MYRF: variants seen among roughly 807,000 people sequenced by gnomAD.
MYRF encodes myelin gene regulatory factor.
In MYRF, 16 loss-of-function variants were observed where a neutral mutation model predicts 126.3. That is an observed-to-expected ratio of 0.13 (90% CI 0.09 to 0.19). The LOEUF (loss-of-function observed/expected upper bound fraction) is 0.19. Among genes scored for constraint, MYRF ranks in the 10% least tolerant of loss-of-function variants. MYRF has a pLI of 1.00. For synonymous variants in MYRF, 608 were observed against 635.3 expected, an observed-to-expected ratio of 0.96 and a Z score of 0.65; for missense variants, 1,104 against 1,547.0, an observed-to-expected ratio of 0.71 and a Z score of 4.80.
chr11:61,766,635 C>G (rs1167106044), intron 3 of MYRF: 1 of 247,354 alleles, frequency 4.0e-6, no homozygotes, highest in Non-Finnish European at 7.9e-6. Flanking sequence ...TGGCCCATGG[C>G]TCAGATGTGG....
Position 61,783,759 on chromosome 11 carries a change from G to A in MYRF, c.3120-92G>A. On this transcript the variant is annotated intron_variant, in intron 23 of 26. Coordinates refer to ENST00000278836, the MANE Select transcript of MYRF (RefSeq NM_001127392.3). This position sits in a 1 kb window ranked among gnomAD's most constrained non-coding sequence, Gnocchi z 4.6. ...CCTTGGACACTGTCTCTTCTGGAGGGCTCCAGTACAGATTGGGGGCTGAGG... is the reference window on the plus strand; with the variant it reads ...CCTTGGACACTGTCTCTTCTGGAGGACTCCAGTACAGATTGGGGGCTGAGG... The A allele has an allele frequency of 7.1e-7, 1 of 1,402,800 alleles. No individual in the cohort carries two copies. The highest frequency in any genetic ancestry group is 9.9e-7 in the Non-Finnish European group (1 of 1,013,988). 86.9% of individuals were successfully genotyped at this position (1,402,800 alleles called of 1,614,324 possible). A position where few individuals can be genotyped will look rare whatever the true frequency, so the allele number is the denominator to read the frequency against.
Position 61,774,168 on chromosome 11 carries a change from T to C in MYRF, c.1311+6T>C, listed in dbSNP as rs1388027385. The C allele has an allele frequency of 6.3e-7, 1 of 1,592,318 alleles. No individual in the cohort carries two copies. Among genetic ancestry groups the C allele is most frequent in the East Asian group, 2.3e-5 (1 of 44,286 alleles). On this transcript the variant is annotated splice_donor_region_variant and intron_variant, in intron 8 of 26. Coordinates refer to ENST00000278836, the MANE Select transcript of MYRF (RefSeq NM_001127392.3). ...TGAAGCTGCACGGAGTGAAGGCAAG[T>C]TTGGGGCTCAGCAAGGAAGGGAGGG...
intron 1 of MYRF, among the ~76,000 whole-genome samples, chr11:61,753,073 C>T (rs979875158): frequency 2.6e-5 from 4 of 152,112 alleles, no homozygotes; most frequent in African/African-American, 4.8e-5. Context: ...TTCCAGGACC[C>T]GGAACTTTCC....
In MYRF at chr11:61,777,137, T is replaced by G. The variant is rs1488944006; in HGVS notation, c.1591-127T>G. 1 of 1,015,834 alleles carries G rather than the reference T, an allele frequency of 9.8e-7. No homozygotes were observed. Among genetic ancestry groups the G allele is most frequent in the Non-Finnish European group, 1.4e-6 (1 of 699,706 alleles). The allele number at this position is 1,015,834 out of a possible 1,614,324, so 62.9% of individuals were successfully genotyped here. A position where few individuals can be genotyped will look rare whatever the true frequency, so the allele number is the denominator to read the frequency against. On this transcript the variant is annotated intron_variant, in intron 11 of 26. Transcript: ENST00000278836. The surrounding 1 kb of genome is among the most constrained non-coding windows in gnomAD (Gnocchi z 8.8). ...TCACAGTGGGAGGGACAGTTCAAGT[T>G]GGGCTTGGTGCAGTGAGAAACCCTG...
rs371658769 is a variant in MYRF, at chr11:61,783,330, T to C, written c.3017-168T>C. ...CATGGGAACTGGGTAGTCCTAGGGC[T>C]GCTGAGGAAAGGGTGTAGTGTGATG... On this transcript the variant is annotated intron_variant, in intron 22 of 26. Coordinates refer to ENST00000278836, the MANE Select transcript of MYRF (RefSeq NM_001127392.3). This position sits in a 1 kb window ranked among gnomAD's most constrained non-coding sequence, Gnocchi z 4.6. 3.2e-6 allele frequency: 2 copies of C among 615,594 alleles called. No individual in the cohort carries two copies. Among genetic ancestry groups the C allele is most frequent in the South Asian group, 3.7e-5 (2 of 54,570 alleles). 38.1% of individuals were successfully genotyped at this position (615,594 alleles called of 1,614,324 possible).
chr11:61,762,466 T>C (rs911877471), intron 1 of MYRF, among the ~76,000 whole-genome samples: 1 of 152,144 alleles, frequency 6.6e-6, no homozygotes, highest in Non-Finnish European at 1.5e-5. Context: ...GAACGAGCCA[T>C]ATGGCCCATG....
rs757525989 is a variant in MYRF, at chr11:61,771,754, C to T, written c.991+4C>T. 6.8e-6 allele frequency: 11 copies of T among 1,612,322 alleles called. No homozygotes were observed. In the Admixed American group the frequency reaches 1.8e-4, roughly 27 times the overall value. On this transcript the variant is annotated splice_donor_region_variant and intron_variant, in intron 6 of 26. Coordinates refer to ENST00000278836, the MANE Select transcript of MYRF (RefSeq NM_001127392.3). Reference sequence around the variant, plus strand: ...CCGCCAGGTGCCCCCTCCCCAGGTACATGGCTGGCCAACTCTTCAAGGTGG... The same window carrying T: ...CCGCCAGGTGCCCCCTCCCCAGGTATATGGCTGGCCAACTCTTCAAGGTGG...
chr11:61,769,376 C>T lies in MYRF; in HGVS notation c.460+55C>T, dbSNP rs534334370. The T allele has an allele frequency of 3.5e-5, 51 of 1,437,336 alleles. No individual in the cohort carries two copies. In the African/African-American group the frequency reaches 3.6e-4, roughly 10 times the overall value. 89.0% of individuals were successfully genotyped at this position (1,437,336 alleles called of 1,614,324 possible). ...CCAGGGTTTGGGCAAGTAGTTGGGG[C>T]GGCCTTATCAGGGAGGTAGGGGAGG... On this transcript the variant is annotated intron_variant, in intron 4 of 26. Coordinates refer to ENST00000278836, the MANE Select transcript of MYRF (RefSeq NM_001127392.3).
rs766543855 is a variant in MYRF, at chr11:61,781,794, G to C, written c.2986G>C (p.Ala996Pro). 1.6e-5 allele frequency: 26 copies of C among 1,591,192 alleles called. No individual in the cohort carries two copies. Among genetic ancestry groups the C allele is most frequent in the Admixed American group, 1.4e-4 (8 of 55,830 alleles). ...GGCCCTCCAGTCCAGCGTGGGCCCT[G>C]CTGAGCCCACCTGGGCCCAGGGCCA... ...RGALQSSVGP[A>P]EPTWAQGQSA... Residue 996 changes from alanine to proline, a missense_variant, in exon 22 of 27, where the codon GCT becomes CCT. Ala to Pro is a conservative substitution (Grantham distance 27). Transcript: ENST00000278836.
At chr11:61,769,448 C>A in intron 4 of MYRF, 127 bp downstream of exon 4, 1 of 711,220 alleles carries the variant, frequency 1.4e-6, no homozygotes, top group South Asian at 1.7e-5. Context: ...TATCGCTGGT[C>A]AAATACTCCC....
In MYRF at chr11:61,757,666, G is replaced by T. The variant is rs567571087; in HGVS notation, c.46+4876G>T. ...GCCCCACCTCCCCCTCTGAGATTTG[G>T]GTTCTGTTCTTGCTGCCAGCAAGGA... On this transcript the variant is annotated intron_variant, in intron 1 of 26. Coordinates refer to ENST00000278836, the MANE Select transcript of MYRF (RefSeq NM_001127392.3). This position sits in a 1 kb window ranked among gnomAD's most constrained non-coding sequence, Gnocchi z 4.7. 2 of 412,848 alleles carry T rather than the reference G, an allele frequency of 4.8e-6. No homozygotes were observed. Among genetic ancestry groups the T allele is most frequent in the East Asian group, 7.1e-5 (1 of 14,054 alleles). 25.6% of individuals were successfully genotyped at this position (412,848 alleles called of 1,614,324 possible).
At chr11:61,780,428 TC>T in intron 18 of MYRF, 138 bp downstream of exon 18, 1 of 792,976 alleles carries the variant, frequency 1.3e-6, no homozygotes, top group Non-Finnish European at 2.0e-6. Flanking sequence ...GCTGTGGGGA[TC>T]CAGGGAGGGC....
chr11:61,760,167 C>T (rs1440093142), intron 1 of MYRF, among the ~76,000 whole-genome samples: 1 of 152,122 alleles, frequency 6.6e-6, no homozygotes, highest in Non-Finnish European at 1.5e-5. Context: ...CAGCGTTTCA[C>T]CATGTTGATC....
rs174535 is a variant in MYRF at position 61,783,884 on chromosome 11, T to C, written c.3153T>C (p.Ser1051=). The change falls in exon 24 of 27, where the codon AGT becomes AGC. Residue 1051 remains serine, a synonymous_variant. Coordinates refer to ENST00000278836, the MANE Select transcript of MYRF (RefSeq NM_001127392.3). The surrounding 1 kb of genome is among the most constrained non-coding windows in gnomAD (Gnocchi z 4.6). ...ACTTCACCTACCACATCCCTGTCAG[T>C]AGTGGCACCCCACTGCACCTCAGCC... is the stretch of plus-strand genomic sequence containing the variant. ...PGNFTYHIPV[S]SGTPLHLSLT... The C allele has an allele frequency of 0.35, 556,510 of 1,607,594 alleles. 102,867 individuals carry two copies. Among genetic ancestry groups the C allele is most frequent in the Admixed American group, 0.62 (36,798 of 59,182 alleles).
intron 22 of MYRF, chr11:61,782,824 G>C (rs985745786): frequency 3.9e-5 from 6 of 152,390 alleles, no homozygotes; most frequent in African/African-American, 1.4e-4. Context: ...CCTGGATCCT[G>C]TTGGGGTCCT....
Position 61,786,132 on chromosome 11 carries a change from C to T in MYRF, c.3445C>T (p.Leu1149=), listed in dbSNP as rs148635592. 3.3e-5 allele frequency: 53 copies of T among 1,614,090 alleles called. No individual in the cohort carries two copies. The highest frequency in any genetic ancestry group is 1.3e-4 in the Admixed American group (8 of 60,010). Residue 1149 remains leucine (L), a synonymous_variant, in exon 27 of 27, where the codon CTG becomes TTG. Transcript: ENST00000278836. The surrounding 1 kb of genome is among the most constrained non-coding windows in gnomAD (Gnocchi z 4.5). Reference sequence around the variant, plus strand: ...AGACTACCACTTCCACTTCTACCGCCTGTGTGACTGAGCTGCCCTCCTGAG... The same window carrying T: ...AGACTACCACTTCCACTTCTACCGCTTGTGTGACTGAGCTGCCCTCCTGAG... The part of the protein sequence containing the change: ...ATDYHFHFYR[L]CD
Position 61,771,531 on chromosome 11 carries a change from C to A in MYRF, c.772C>A (p.His258Asn), listed in dbSNP as rs1236400767. ...TACACACCCCTCCAAGAAGAGGAAG[C>A]ACTCTGAATCCCCCCCCAGCACCCT... ...LPTHPSKKRK[H>N]SESPPSTLNA... is the part of the protein sequence containing the mutation. Residue 258 changes from histidine (H) to asparagine (N), a missense_variant, in exon 6 of 27, where the codon CAC becomes AAC. His to Asn is a moderately conservative substitution (Grantham distance 68). Around this residue, in one of 10 missense-constraint regions of MYRF, gnomAD observed 368 missense variants for 403.9 expected, o/e 0.91. Coordinates refer to ENST00000278836, the MANE Select transcript of MYRF (RefSeq NM_001127392.3). 2 of 1,613,772 alleles carry A rather than the reference C, an allele frequency of 1.2e-6. No homozygotes were observed. The highest frequency in any genetic ancestry group is 1.3e-5 in the African/African-American group (1 of 74,918).
intron 1 of MYRF, among the ~76,000 whole-genome samples, chr11:61,764,755 C>T (rs962889976): frequency 6.6e-6 from 1 of 152,216 alleles, no homozygotes; most frequent in African/African-American, 2.4e-5. Context: ...CTCATGATGC[C>T]CAAGAGCCCT....
chr11:61,761,427 G>A (rs571711613), intron 1 of MYRF, among the ~76,000 whole-genome samples: 1 of 152,224 alleles, frequency 6.6e-6, no homozygotes, highest in Admixed American at 6.5e-5. Context: ...AGAGCGGAGC[G>A]GAGGGGAGGG....
Sources: allele counts gnomAD v4.1 joint callset (sites outside exome capture counted in the v4.1 genomes callset), GRCh38; gene constraint gnomAD v4.1.1; regional missense constraint gnomAD v4.1.1; non-coding constraint Gnocchi (gnomAD v3.1); transcripts MANE v1.5; gene names NCBI Gene and HGNC (gene_info 2026-07-23, HGNC 2026-07-21).